Variants in STK24 observed in about 807,000 individuals in gnomAD.
STK24 encodes serine/threonine kinase 24.
A neutral mutation model predicts 55.6 loss-of-function variants in STK24; 21 were observed. The observed-to-expected ratio is 0.38, with a 90% CI of 0.27 to 0.54. The LOEUF is 0.54. Ranked by LOEUF, STK24 falls within the 20% of genes least tolerant of loss-of-function variation. The pLI is 0.79. For missense variants in STK24, 383 were observed against 538.4 expected (o/e 0.71, Z 2.86); for synonymous variants, 200 against 215.2 (o/e 0.93, Z 0.62).
At chr13:98,503,984 TCTC>T (rs949206849) in intron 2 of STK24, among the ~76,000 whole-genome samples, 18 of 152,008 alleles carry the variant, frequency 1.2e-4, no homozygotes, top group African/African-American at 3.9e-4. Context: ...CCAAACACTC[TCTC>T]CTCATTACTG....
chr13:98,482,529 G>A (rs940732623), intron 2 of STK24, among the ~76,000 whole-genome samples: 3 of 152,228 alleles, frequency 2.0e-5, no homozygotes, highest in African/African-American at 7.2e-5. Context: ...GGAGCTGTGG[G>A]GTGTGCTCGG....
chr13:98,477,400 G>T (rs540499908), intron 3 of STK24, among the ~76,000 whole-genome samples: 1 of 152,284 alleles, frequency 6.6e-6, no homozygotes, highest in African/African-American at 2.4e-5. Flanking sequence ...GGCCAGGCGC[G>T]GTGGCTCATG....
At chr13:98,546,875 C>G (rs113956441) in intron 1 of STK24, among the ~76,000 whole-genome samples, 1 of 149,900 alleles carries the variant, frequency 6.7e-6, no homozygotes, top group East Asian at 2.0e-4. Context: ...CATCTGTGTT[C>G]CCCCTTCCTT....
intron 5 of STK24, among the ~76,000 whole-genome samples, chr13:98,471,939 G>T (rs1042769977): frequency 1.3e-5 from 2 of 152,200 alleles, no homozygotes; most frequent in African/African-American, 4.8e-5. Flanking sequence ...CAGACTAGGA[G>T]GGGAAATGTC....
intron 2 of STK24, among the ~76,000 whole-genome samples, chr13:98,495,346 A>G (rs757767853): frequency 9.2e-5 from 14 of 152,232 alleles, no homozygotes; most frequent in Non-Finnish European, 1.5e-4. Flanking sequence ...TCAGGAATAT[A>G]GAAGTTTTAG....
intron 1 of STK24, among the ~76,000 whole-genome samples, chr13:98,566,149 C>CTAT (rs202177133): frequency 0.014 from 2,196 of 152,102 alleles, 60 homozygotes; most frequent in African/African-American, 0.049. Flanking sequence ...GCACGCCAGG[C>CTAT]TATGGGGGAA....
intron 7 of STK24, 134 bp downstream of exon 7, chr13:98,463,557 C>A: frequency 8.9e-7 from 1 of 1,123,504 alleles, no homozygotes; most frequent in African/African-American, 1.6e-5. Context: ...GTGTCTAACA[C>A]AACAATTGCC....
intron 2 of STK24, among the ~76,000 whole-genome samples, chr13:98,488,248 C>A (rs1894884372): frequency 1.3e-5 from 2 of 151,818 alleles, no homozygotes; most frequent in African/African-American, 2.4e-5. Context: ...CGGTCATCCA[C>A]AAGCCAAGGG....
intron 9 of STK24, among the ~76,000 whole-genome samples, chr13:98,458,810 G>T (rs984275802): frequency 1.3e-5 from 2 of 152,304 alleles, no homozygotes; most frequent in African/African-American, 4.8e-5. Context: ...AAGCAGGGAC[G>T]CCAACACCCG....
chr13:98,457,128 GTC>G, intron 10 of STK24, 38 bp downstream of exon 10: 2 of 1,596,350 alleles, frequency 1.3e-6, no homozygotes, highest in East Asian at 2.3e-5. Context: ...CCAAGTGCAG[GTC>G]TCTCCTTCCC....
chr13:98,478,881 C>G (rs1275518349), intron 3 of STK24, among the ~76,000 whole-genome samples: 1 of 152,188 alleles, frequency 6.6e-6, no homozygotes, highest in African/African-American at 2.4e-5. Flanking sequence ...CCAGCTCCCC[C>G]ATTCACCTCC....
At chr13:98,548,472 A>C (rs766871605) in intron 1 of STK24, among the ~76,000 whole-genome samples, 1 of 152,172 alleles carries the variant, frequency 6.6e-6, no homozygotes. Context: ...AGTGACAAGA[A>C]ACTGTCTCAT....
At chr13:98,534,322 TC>T (rs1289443549) in intron 1 of STK24, among the ~76,000 whole-genome samples, 1 of 152,148 alleles carries the variant, frequency 6.6e-6, no homozygotes, top group African/African-American at 2.4e-5. Flanking sequence ...GTGAAAGAGA[TC>T]TGACCTAACC....
In STK24 at chr13:98,446,663, C is replaced by T. The variant is rs374439803; in HGVS notation, c.*6510G>A. The T allele has an allele frequency of 4.3e-5, 69 of 1,614,076 alleles. No homozygotes were observed. In the African/African-American group the frequency reaches 8.1e-4, roughly 19 times the overall value. ...GCCACTTTGCTTTGTTTCCCCTTTC[C>T]AGGACAATCATCCCCTTGCCAGCCT... On this transcript the variant is annotated 3_prime_UTR_variant, in exon 11 of 11. Coordinates refer to ENST00000539966, the MANE Select transcript of STK24 (RefSeq NM_001032296.4).
At chr13:98,504,863 G>T (rs1429358685) in intron 2 of STK24, among the ~76,000 whole-genome samples, 4 of 151,798 alleles carry the variant, frequency 2.6e-5, no homozygotes, top group Non-Finnish European at 4.4e-5. Context: ...GCAGGTTCGG[G>T]CTGATGAGGA....
At chr13:98,516,873 G>T (rs1159143673) in intron 2 of STK24, among the ~76,000 whole-genome samples, 1 of 152,150 alleles carries the variant, frequency 6.6e-6, no homozygotes, top group African/African-American at 2.4e-5. Flanking sequence ...ACAAAATACC[G>T]GGGCAACCTT....
rs56021612 is a variant in STK24 at position 98,448,737 on chromosome 13, GTGTT to G, written c.*4432_*4435del. The G allele has an allele frequency of 0.56, 87,588 of 157,490 alleles. 24,739 individuals are homozygous for G. Among genetic ancestry groups the G allele is most frequent in the East Asian group, 0.63 (3,282 of 5,228 alleles). 9.8% of individuals were successfully genotyped at this position (157,490 alleles called of 1,614,324 possible). A position where few individuals can be genotyped will look rare whatever the true frequency, so the allele number is the denominator to read the frequency against. ...TGCATTTTACGAAGTGGACTTCCCGGTGTTTGTTTGTTTGTTTGCAATACACTCA... is the reference window on the plus strand; with the variant it reads ...TGCATTTTACGAAGTGGACTTCCCGGTGTTTGTTTGTTTGCAATACACTCA... On this transcript the variant is annotated 3_prime_UTR_variant, in exon 11 of 11. Transcript: ENST00000539966.
chr13:98,513,858 C>A (rs1275506701), intron 2 of STK24, among the ~76,000 whole-genome samples: 1 of 152,206 alleles, frequency 6.6e-6, no homozygotes, highest in Non-Finnish European at 1.5e-5. Context: ...CCACACCAAG[C>A]ATATATCTGA....
intron 1 of STK24, among the ~76,000 whole-genome samples, chr13:98,560,133 C>A (rs1161344577): frequency 1.3e-5 from 2 of 152,186 alleles, no homozygotes; most frequent in Non-Finnish European, 2.9e-5. Flanking sequence ...GACAGCAAAC[C>A]CTGAAATGAT....
Sources: allele counts gnomAD v4.1 joint callset (sites outside exome capture counted in the v4.1 genomes callset), GRCh38; gene constraint gnomAD v4.1.1; transcripts MANE v1.5; gene names NCBI Gene and HGNC (gene_info 2026-07-23, HGNC 2026-07-21).